ADAMTSL1: variants seen among roughly 807,000 people sequenced by gnomAD.
ADAMTSL1 encodes the protein ADAMTS-like protein 1.
ADAMTSL1 carries 126 observed loss-of-function variants against 201.8 expected under a neutral mutation model. The ratio of observed to expected loss-of-function variants is 0.62; its 90% CI spans 0.54 to 0.72. ADAMTSL1 has a LOEUF of 0.72. ADAMTSL1 is among the 30% of genes least tolerant of loss of function. ADAMTSL1 has a pLI of 0.00. For synonymous variants in ADAMTSL1, 1,121 were observed against 903.4 expected (o/e 1.24, Z -4.32); for missense variants, 2,679 against 2,277.8 (o/e 1.18, Z -3.59).
intron 1 of ADAMTSL1, among the ~76,000 whole-genome samples, chr9:18,010,554 T>G (rs1447630486): frequency 7.2e-5 from 11 of 151,966 alleles, no homozygotes; most frequent in Admixed American, 7.2e-4. Context: ...AGGGCACAAT[T>G]CAACATCTGC....
intron 23 of ADAMTSL1, among the ~76,000 whole-genome samples, chr9:18,838,317 A>G (rs1825449673): frequency 6.6e-6 from 1 of 151,556 alleles, no homozygotes; most frequent in Non-Finnish European, 1.5e-5. Context: ...TGCAGGAGGT[A>G]TAATTCAAAT....
At chr9:17,964,343 A>T (rs1309816840) in intron 1 of ADAMTSL1, among the ~76,000 whole-genome samples, 1 of 152,020 alleles carries the variant, frequency 6.6e-6, no homozygotes, top group East Asian at 1.9e-4. Context: ...ATATTCTCCA[A>T]CCCCTACAAA....
intron 2 of ADAMTSL1, among the ~76,000 whole-genome samples, chr9:18,455,660 T>A (rs1820573863): frequency 6.6e-6 from 1 of 152,198 alleles, no homozygotes; most frequent in East Asian, 1.9e-4. Context: ...TCAGCTGATC[T>A]AAACAGATGA....
intron 2 of ADAMTSL1, among the ~76,000 whole-genome samples, chr9:18,392,365 G>A (rs1238196197): frequency 1.3e-5 from 2 of 152,176 alleles, no homozygotes; most frequent in African/African-American, 2.4e-5. Flanking sequence ...AAGGAACAGT[G>A]CGGTAGGTTG....
intron 2 of ADAMTSL1, among the ~76,000 whole-genome samples, chr9:18,384,132 G>A (rs147299307): frequency 0.013 from 1,904 of 152,212 alleles, 23 homozygotes; most frequent in South Asian, 0.044. Context: ...AAGAAAAGAT[G>A]TTTAATTGAC....
At chr9:17,997,866 T>C (rs1819447309) in intron 1 of ADAMTSL1, among the ~76,000 whole-genome samples, 1 of 152,092 alleles carries the variant, frequency 6.6e-6, no homozygotes, top group African/African-American at 2.4e-5. Context: ...TTCATGCTCC[T>C]GATACTCCAA....
chr9:18,144,699 G>T (rs976275035), intron 1 of ADAMTSL1, among the ~76,000 whole-genome samples: 1 of 152,068 alleles, frequency 6.6e-6, no homozygotes, highest in Admixed American at 6.6e-5. Flanking sequence ...TAGAAGCAGA[G>T]AATTTTAAAA....
At chr9:18,813,147 A>G (rs1432823497) in intron 20 of ADAMTSL1, among the ~76,000 whole-genome samples, 2 of 151,782 alleles carry the variant, frequency 1.3e-5, no homozygotes, top group Non-Finnish European at 2.9e-5. Context: ...TTGTATTTTT[A>G]GTAGAGATGG....
chr9:18,590,181 G>T (rs777877115), intron 4 of ADAMTSL1, among the ~76,000 whole-genome samples: 32 of 152,164 alleles, frequency 2.1e-4, no homozygotes, highest in Middle Eastern at 3.4e-3. Flanking sequence ...TTTGATGGAA[G>T]ACCATTTATT....
intron 1 of ADAMTSL1, among the ~76,000 whole-genome samples, chr9:18,055,366 T>C (rs10963418): frequency 4.6e-5 from 7 of 152,032 alleles, no homozygotes; most frequent in Admixed American, 3.3e-4. Context: ...CTCCATGTGG[T>C]AAATGCTGCC....
At chr9:17,987,541 C>G (rs929954375) in intron 1 of ADAMTSL1, among the ~76,000 whole-genome samples, 6 of 151,784 alleles carry the variant, frequency 4.0e-5, no homozygotes, top group Non-Finnish European at 2.9e-5. Context: ...GACTTTTAGT[C>G]TTAGTGTGTT....
intron 3 of ADAMTSL1, among the ~76,000 whole-genome samples, chr9:18,564,738 A>G (rs1361635183): frequency 1.3e-5 from 2 of 152,204 alleles, no homozygotes; most frequent in Non-Finnish European, 2.9e-5. Context: ...GGGAGAGAAC[A>G]CTTATTTTAG....
At chr9:18,836,555 T>A (rs925246660) in intron 23 of ADAMTSL1, among the ~76,000 whole-genome samples, 1 of 152,168 alleles carries the variant, frequency 6.6e-6, no homozygotes, top group African/African-American at 2.4e-5. Flanking sequence ...TTGTTCTTTT[T>A]ATTTAGGATC....
intron 1 of ADAMTSL1, among the ~76,000 whole-genome samples, chr9:18,033,916 A>G (rs908660541): frequency 6.6e-6 from 1 of 152,180 alleles, no homozygotes; most frequent in Non-Finnish European, 1.5e-5. Flanking sequence ...TTTTGTATAC[A>G]TTATCACAAT....
chr9:18,448,430 G>A (rs915333810), intron 2 of ADAMTSL1, among the ~76,000 whole-genome samples: 3 of 151,938 alleles, frequency 2.0e-5, no homozygotes, highest in African/African-American at 7.3e-5. Context: ...GGAGAAAAGG[G>A]AAAGAATTAT....
chr9:18,795,745 G>A (rs1373322929), intron 20 of ADAMTSL1, among the ~76,000 whole-genome samples: 5 of 152,160 alleles, frequency 3.3e-5, no homozygotes, highest in African/African-American at 9.7e-5. Flanking sequence ...CCTGCCAGGA[G>A]GTCTTAGGGT....
At chr9:18,006,696 G>T (rs1290161908) in intron 1 of ADAMTSL1, among the ~76,000 whole-genome samples, 1 of 151,972 alleles carries the variant, frequency 6.6e-6, no homozygotes, top group Non-Finnish European at 1.5e-5. Context: ...ATTAACTTCA[G>T]TGTTCTTCTA....
chr9:18,112,848 A>G (rs1825085305), intron 1 of ADAMTSL1, among the ~76,000 whole-genome samples: 1 of 152,142 alleles, frequency 6.6e-6, no homozygotes. Flanking sequence ...GGCATATAAG[A>G]GCTTAATACC....
intron 1 of ADAMTSL1, among the ~76,000 whole-genome samples, chr9:18,012,660 C>G (rs1362100207): frequency 2.0e-5 from 3 of 151,996 alleles, no homozygotes; most frequent in Admixed American, 6.6e-5. Flanking sequence ...TCAGAAATGT[C>G]TGTGGTGGGT....
Sources: allele counts gnomAD v4.1 joint callset (sites outside exome capture counted in the v4.1 genomes callset), GRCh38; gene constraint gnomAD v4.1.1; transcripts MANE v1.5; gene names NCBI Gene and HGNC (gene_info 2026-07-23, HGNC 2026-07-21).